Variants in NKAIN2 observed in about 807,000 individuals in gnomAD.
NKAIN2 encodes sodium/potassium transporting ATPase interacting 2.
NKAIN2 carries 14 observed loss-of-function variants against 32.6 expected under a neutral mutation model. The ratio of observed to expected loss-of-function variants is 0.43; its 90% confidence interval spans 0.28 to 0.67. The LOEUF is 0.67. Ranked by LOEUF, NKAIN2 falls within the 30% of genes least tolerant of loss-of-function variation. NKAIN2 has a pLI of 0.17. For synonymous variants in NKAIN2, 80 were observed against 87.2 expected (o/e 0.92, Z 0.46); for missense variants, 198 against 258.3 (o/e 0.77, Z 1.60).
At chr6:124,219,573 C>T (rs923922076) in intron 1 of NKAIN2, among the ~76,000 whole-genome samples, 7 of 151,934 alleles carry the variant, frequency 4.6e-5, no homozygotes, top group South Asian at 2.1e-4. Context: ...CCACCACGCC[C>T]GGCCAACACT....
rs1373287317 is a variant in NKAIN2 at position 124,326,496 on chromosome 6, A to T, written c.193-28771A>T. On this transcript the variant is annotated intron_variant, in intron 2 of 6. Transcript: ENST00000368417. ...GCCTCTCAGAGCTAAGCCCAATTCA[A>T]AAGGTTATCTCCTCAATTCTATTTT... Among the ~76,000 whole-genome samples, 4 of 151,992 alleles carry T rather than the reference A, an allele frequency of 2.6e-5. No individual in the cohort carries two copies. The East Asian group carries it at 7.7e-4, about 29-fold the overall frequency.
At chr6:124,321,819 A>G (rs1797206086) in intron 2 of NKAIN2, among the ~76,000 whole-genome samples, 1 of 152,204 alleles carries the variant, frequency 6.6e-6, no homozygotes. Context: ...ATGGCTGCTC[A>G]GAAAATACTA....
chr6:124,504,079 C>T (rs555188975), intron 3 of NKAIN2, among the ~76,000 whole-genome samples: 2 of 152,188 alleles, frequency 1.3e-5, no homozygotes, highest in African/African-American at 4.8e-5. Context: ...CCATTCTTTA[C>T]ATTCCACTTA....
chr6:124,453,600 G>A (rs962700623), intron 3 of NKAIN2, among the ~76,000 whole-genome samples: 1 of 152,032 alleles, frequency 6.6e-6, no homozygotes, highest in Non-Finnish European at 1.5e-5. Context: ...TATTAAAAGA[G>A]AGAAAAACAA....
chr6:124,362,761 T>C (rs1799344515), intron 3 of NKAIN2, among the ~76,000 whole-genome samples: 1 of 152,158 alleles, frequency 6.6e-6, no homozygotes, highest in African/African-American at 2.4e-5. Context: ...TAATTCACTT[T>C]CTACTAAGAG....
chr6:124,331,581 G>T (rs543893589), intron 2 of NKAIN2, among the ~76,000 whole-genome samples: 1 of 148,800 alleles, frequency 6.7e-6, no homozygotes, highest in African/African-American at 2.5e-5. Context: ...CACTATTAAA[G>T]TACCAATAAT....
intron 2 of NKAIN2, among the ~76,000 whole-genome samples, chr6:124,327,352 A>G (rs1797459519): frequency 6.7e-6 from 1 of 149,738 alleles, no homozygotes; most frequent in Admixed American, 6.6e-5. Flanking sequence ...CTGATTTGAT[A>G]TATGTATCAT....
chr6:124,329,971 T>C (rs1413963538), intron 2 of NKAIN2, among the ~76,000 whole-genome samples: 1 of 152,220 alleles, frequency 6.6e-6, no homozygotes, highest in Non-Finnish European at 1.5e-5. Flanking sequence ...CAGATGAATC[T>C]TTCCGACTTC....
Position 124,760,597 on chromosome 6 carries a change from A to AT in NKAIN2, c.475-30734dup, listed in dbSNP as rs1295445204. On this transcript the variant is annotated intron_variant, in intron 4 of 6. Coordinates refer to ENST00000368417, the MANE Select transcript of NKAIN2 (RefSeq NM_001040214.3). ...ATTAATCAGCTGTGGCCAATACCAG[A>AT]TTTTTTTTGCTGTTTAGGAGTTTGG... 9.2e-5 allele frequency among the ~76,000 whole-genome samples: 14 copies of AT among 151,736 alleles called. 1 individual carries two copies. The highest frequency in any genetic ancestry group is 2.0e-4 in the East Asian group (1 of 5,128).
intron 3 of NKAIN2, among the ~76,000 whole-genome samples, chr6:124,571,204 G>A (rs1781115056): frequency 6.6e-6 from 1 of 152,182 alleles, no homozygotes. Flanking sequence ...GTTCATAGGT[G>A]GAAGGGATTT....
At chr6:123,837,121 T>A (rs747345660) in intron 1 of NKAIN2, among the ~76,000 whole-genome samples, 14 of 152,170 alleles carry the variant, frequency 9.2e-5, no homozygotes, top group Non-Finnish European at 1.8e-4. Context: ...TAACTACTCT[T>A]AACTGTTTAT....
intron 3 of NKAIN2, among the ~76,000 whole-genome samples, chr6:124,517,961 A>C (rs1454327293): frequency 6.6e-6 from 1 of 152,108 alleles, no homozygotes; most frequent in African/African-American, 2.4e-5. Flanking sequence ...ACACTTTTGC[A>C]TTGTCAAGTA....
chr6:124,540,312 CA>C (rs1201056645), intron 3 of NKAIN2, among the ~76,000 whole-genome samples: 1 of 152,146 alleles, frequency 6.6e-6, no homozygotes, highest in Non-Finnish European at 1.5e-5. Context: ...TTAAAAAATT[CA>C]AATTAAGAAA....
intron 1 of NKAIN2, among the ~76,000 whole-genome samples, chr6:123,916,871 A>C (rs534532271): frequency 6.6e-6 from 1 of 151,996 alleles, no homozygotes; most frequent in Admixed American, 6.6e-5. Context: ...TCATCTACCT[A>C]CCTACCTACC....
intron 1 of NKAIN2, among the ~76,000 whole-genome samples, chr6:124,269,089 A>G (rs916829324): frequency 2.0e-5 from 3 of 152,194 alleles, no homozygotes; most frequent in Non-Finnish European, 2.9e-5. Context: ...TGTTTAAGGT[A>G]CCTTGACAGA....
intron 1 of NKAIN2, among the ~76,000 whole-genome samples, chr6:124,050,232 A>G (rs1196287250): frequency 6.6e-6 from 1 of 152,030 alleles, no homozygotes; most frequent in Non-Finnish European, 1.5e-5. Flanking sequence ...GGGCACTCAC[A>G]TGCATTGAGG....
intron 3 of NKAIN2, among the ~76,000 whole-genome samples, chr6:124,425,425 G>T (rs1277576979): frequency 6.6e-6 from 1 of 151,866 alleles, no homozygotes; most frequent in Non-Finnish European, 1.5e-5. Flanking sequence ...CCAAACAAAA[G>T]CAACAAAAAC....
chr6:124,453,033 C>G (rs1297781912), intron 3 of NKAIN2, among the ~76,000 whole-genome samples: 1 of 151,874 alleles, frequency 6.6e-6, no homozygotes, highest in Non-Finnish European at 1.5e-5. Context: ...AGTCTCTGTT[C>G]AGTAGATGCC....
chr6:124,695,300 A>C (rs1774447389), intron 4 of NKAIN2, among the ~76,000 whole-genome samples: 2 of 152,190 alleles, frequency 1.3e-5, no homozygotes, highest in Non-Finnish European at 2.9e-5. Context: ...CAGAAGATTT[A>C]GATACAAACG....
Sources: gnomAD v4.1 joint callset for allele counts (sites outside exome capture counted in the v4.1 genomes callset) on GRCh38, gnomAD v4.1.1 for gene constraint, MANE v1.5 for transcripts, NCBI Gene and HGNC (gene_info 2026-07-23, HGNC 2026-07-21) for gene names.